The following ZNF787 variants were observed in gnomAD, a reference collection of about 807,000 sequenced individuals.
ZNF787 encodes the protein TTF-I-interacting peptide 20.
In ZNF787, 7 loss-of-function variants were observed where a neutral mutation model predicts 16.9. The ratio of observed to expected loss-of-function variants is 0.42; its 90% CI spans 0.24 to 0.78. The LOEUF is 0.78. ZNF787 is among the 30% of genes least tolerant of loss of function. The pLI is 0.30. For missense variants in ZNF787, 551 were observed against 589.3 expected (o/e 0.94, Z 0.67); for synonymous variants, 345 against 270.9 (o/e 1.27, Z -2.69).
intron 1 of ZNF787, among the ~76,000 whole-genome samples, chr19:56,115,838 G>A (rs2030119847): frequency 6.6e-6 from 1 of 152,216 alleles, no homozygotes; most frequent in African/African-American, 2.4e-5. Flanking sequence ...CAGCCCGCAG[G>A]ACTTGGTGCC....
At chr19:56,099,641 G>A (rs1986012176) in intron 2 of ZNF787, among the ~76,000 whole-genome samples, 1 of 146,998 alleles carries the variant, frequency 6.8e-6, no homozygotes, top group African/African-American at 2.5e-5. Flanking sequence ...AACCTGGGAG[G>A]TGGAAGTTGC....
chr19:56,120,921 CCCCGCTCGCCGCCCGCGGGCCG>C (rs2030276588), intron 1 of ZNF787, among the ~76,000 whole-genome samples: 1 of 137,012 alleles, frequency 7.3e-6, no homozygotes, highest in South Asian at 2.3e-4. Context: ...CCCCCTCCAG[CCCCGCTCGCCGCCCGCGGGCCG>C]CCCGGGCGCG....
intron 1 of ZNF787, among the ~76,000 whole-genome samples, chr19:56,107,809 T>TGCTGGGGGCTGCGGGAGAGGCCGCTC (rs1568532410): frequency 5.3e-5 from 8 of 150,518 alleles, no homozygotes; most frequent in African/African-American, 7.4e-5. Flanking sequence ...GGCAGCAGCT[T>TGCTGGGGGCTGCGGGAGAGGCCGCTC]GAAGGCCGGG....
chr19:56,120,176 C>T (rs548080150), intron 1 of ZNF787, among the ~76,000 whole-genome samples: 40 of 152,218 alleles, frequency 2.6e-4, no homozygotes, highest in Non-Finnish European at 5.6e-4. Flanking sequence ...CTCCCTGCTC[C>T]CTGTCTCTAG....
rs985465267 is a variant in ZNF787, at chr19:56,087,798, G to A, written c.*225C>T. The A allele has an allele frequency of 2.8e-5, 18 of 651,164 alleles. No individual in the cohort carries two copies. Among genetic ancestry groups the A allele is most frequent in the Admixed American group, 1.9e-4 (4 of 21,360 alleles). The allele number at this position is 651,164 out of a possible 1,614,324, so 40.3% of individuals were successfully genotyped here. ...CGCAGGCCGATAACTTAGGAAGGGC[G>A]GGCCAGGCTGAGGGGGCAGAGTCTC... On this transcript the variant is annotated 3_prime_UTR_variant, in exon 3 of 3. Coordinates refer to ENST00000610935, the MANE Select transcript of ZNF787 (RefSeq NM_001002836.4).
rs1285130066 is a variant in ZNF787, at chr19:56,087,499, G to C, written c.*524C>G. 6.6e-6 allele frequency: 1 copy of C among 152,298 alleles called. No homozygotes were observed. The highest frequency in any genetic ancestry group is 6.5e-5 in the Admixed American group (1 of 15,294). The allele number at this position is 152,298 out of a possible 1,614,324, so 9.4% of individuals were successfully genotyped here. The stretch of plus-strand genomic sequence containing the variant: ...TCCAGGAGGGGAAGGAACGACTCGA[G>C]CTCTAAGGATGGGACCCGGAAGGCA... On this transcript the variant is annotated 3_prime_UTR_variant, in exon 3 of 3. Transcript: ENST00000610935.
At chr19:56,112,144 C>T (rs1314470460) in intron 1 of ZNF787, among the ~76,000 whole-genome samples, 6 of 152,112 alleles carry the variant, frequency 3.9e-5, no homozygotes, top group Non-Finnish European at 5.9e-5. Flanking sequence ...CCAGGAGCTG[C>T]GGGGGCCTGA....
chr19:56,102,559 TAAAC>T (rs1599949251), intron 2 of ZNF787: 2 of 377,236 alleles, frequency 5.3e-6, no homozygotes, highest in Non-Finnish European at 9.5e-6. Context: ...AATGCTTTAT[TAAAC>T]AAACAAAACA....
At chr19:56,103,847 A>C in intron 1 of ZNF787, among the ~76,000 whole-genome samples, 1 of 87,236 alleles carries the variant, frequency 1.1e-5, no homozygotes. Context: ...GAGGGTCTCT[A>C]CGCACGACAC....
chr19:56,120,789 G>A (rs2030270558), intron 1 of ZNF787, among the ~76,000 whole-genome samples: 1 of 150,886 alleles, frequency 6.6e-6, no homozygotes, highest in Non-Finnish European at 1.5e-5. Flanking sequence ...TGGAACTTCG[G>A]GGGGACGGAC....
chr19:56,092,071 CCTCACA>C (rs1328642031), intron 2 of ZNF787, among the ~76,000 whole-genome samples: 3 of 146,392 alleles, frequency 2.0e-5, no homozygotes, highest in East Asian at 3.9e-4. Flanking sequence ...TCACCCTCAC[CCTCACA>C]GGAGCAATGA....
At chr19:56,115,134 G>A (rs1376179360) in intron 1 of ZNF787, among the ~76,000 whole-genome samples, 1 of 152,042 alleles carries the variant, frequency 6.6e-6, no homozygotes, top group East Asian at 1.9e-4. Flanking sequence ...CTCCCTGAGG[G>A]TGGTGGGGAA....
At chr19:56,090,759 T>C (rs1454515409) in intron 2 of ZNF787, among the ~76,000 whole-genome samples, 1 of 152,068 alleles carries the variant, frequency 6.6e-6, no homozygotes, top group Non-Finnish European at 1.5e-5. Context: ...GAGGCAGAGG[T>C]TGCAGTGAGC....
chr19:56,093,338 G>A (rs1320521839), intron 2 of ZNF787, among the ~76,000 whole-genome samples: 1 of 151,804 alleles, frequency 6.6e-6, no homozygotes. Context: ...TTCCATAGAC[G>A]CAGGAGATGG....
At chr19:56,094,186 G>GC (rs1985777612) in intron 2 of ZNF787, among the ~76,000 whole-genome samples, 2 of 113,854 alleles carry the variant, frequency 1.8e-5, no homozygotes, top group African/African-American at 3.7e-5. Context: ...ATCATGCCCG[G>GC]CTTTTTTTTT....
intron 1 of ZNF787, among the ~76,000 whole-genome samples, chr19:56,106,992 G>T (rs1319716386): frequency 2.0e-5 from 3 of 152,218 alleles, no homozygotes; most frequent in African/African-American, 7.2e-5. Flanking sequence ...CTGCCCTCAC[G>T]AAGGGCCTGA....
In ZNF787 at chr19:56,109,449, G is replaced by C. The variant is rs113843089; in HGVS notation, c.-10-6222C>G. ...CACCAGCACCGGGAGCTGAGGCTGA[G>C]AGACAGCTGCACACACCAACCCTTA... On this transcript the variant is annotated intron_variant, in intron 1 of 2. Transcript: ENST00000610935. Among the ~76,000 whole-genome samples, 450 of 152,300 alleles carry C rather than the reference G, an allele frequency of 3.0e-3. 1 individual carries two copies. The highest frequency in any genetic ancestry group is 9.7e-3 in the African/African-American group (402 of 41,558).
chr19:56,114,116 CA>C (rs2030060884), intron 1 of ZNF787, among the ~76,000 whole-genome samples: 1 of 152,200 alleles, frequency 6.6e-6, no homozygotes, highest in Non-Finnish European at 1.5e-5. Flanking sequence ...CCCCTCAATC[CA>C]AAATCCAAGT....
At chr19:56,093,196 C>T (rs1456174117) in intron 2 of ZNF787, among the ~76,000 whole-genome samples, 1 of 149,464 alleles carries the variant, frequency 6.7e-6, no homozygotes, top group East Asian at 2.0e-4. Flanking sequence ...GTGGGATATC[C>T]CAGACACAGG....
Sources: gnomAD v4.1 joint callset for allele counts (sites outside exome capture counted in the v4.1 genomes callset) on GRCh38, gnomAD v4.1.1 for gene constraint, MANE v1.5 for transcripts, NCBI Gene and HGNC (gene_info 2026-07-23, HGNC 2026-07-21) for gene names.